The following FTO variants were observed in gnomAD, a reference collection of about 807,000 sequenced individuals.
FTO encodes alpha-ketoglutarate-dependent dioxygenase FTO.
Under a neutral mutation model 63.9 loss-of-function variants are expected in FTO, and 47 were observed. That is an observed-to-expected ratio of 0.74 (90% CI 0.58 to 0.94). FTO has a LOEUF of 0.94. Among genes scored for constraint, FTO ranks in the 40% least tolerant of loss-of-function variants. The pLI is 0.00. For missense variants in FTO, 562 were observed against 618.1 expected (o/e 0.91, Z 0.96); for synonymous variants, 207 against 224.4 (o/e 0.92, Z 0.69).
intron 8 of FTO, among the ~76,000 whole-genome samples, chr16:53,964,183 C>T (rs1031681806): frequency 6.6e-6 from 1 of 152,210 alleles, no homozygotes. Context: ...GATCAGCAAA[C>T]TTTTTCTTTA....
intron 1 of FTO, among the ~76,000 whole-genome samples, chr16:53,805,641 G>A (rs973465852): frequency 6.6e-6 from 1 of 152,022 alleles, no homozygotes; most frequent in Non-Finnish European, 1.5e-5. Context: ...GTAGAGACGG[G>A]TTTTTACCAT....
intron 4 of FTO, 81 bp from the exon 5 acceptor site, chr16:53,873,701 TTTAC>T: frequency 9.8e-7 from 1 of 1,021,308 alleles, no homozygotes; most frequent in Non-Finnish European, 1.5e-6. Flanking sequence ...AGATTTACTG[TTTAC>T]TTTGTGTTTT....
intron 8 of FTO, among the ~76,000 whole-genome samples, chr16:53,979,074 G>C (rs2143798462): frequency 6.6e-6 from 1 of 151,990 alleles, no homozygotes; most frequent in East Asian, 1.9e-4. Flanking sequence ...AAATATTTCT[G>C]TTTTTAAAAT....
At chr16:54,055,277 G>C (rs1231088278) in intron 8 of FTO, among the ~76,000 whole-genome samples, 1 of 152,174 alleles carries the variant, frequency 6.6e-6, no homozygotes, top group Non-Finnish European at 1.5e-5. Context: ...AGACTTGGCT[G>C]TTTTGAGACT....
At chr16:53,816,245 T>C (rs966930367) in intron 2 of FTO, among the ~76,000 whole-genome samples, 1 of 152,176 alleles carries the variant, frequency 6.6e-6, no homozygotes, top group Non-Finnish European at 1.5e-5. Flanking sequence ...CCTCTGCTTC[T>C]TACACCGTGG....
chr16:53,710,461 C>T (rs1182735696), intron 1 of FTO, among the ~76,000 whole-genome samples: 1 of 152,150 alleles, frequency 6.6e-6, no homozygotes, highest in African/African-American at 2.4e-5. Flanking sequence ...AGATGGGTTT[C>T]ACCATGTTGG....
At chr16:53,706,037 G>A (rs1412360083) in intron 1 of FTO, among the ~76,000 whole-genome samples, 1 of 152,180 alleles carries the variant, frequency 6.6e-6, no homozygotes, top group Non-Finnish European at 1.5e-5. Flanking sequence ...GTTGCTAGGT[G>A]AAACTAGTGC....
chr16:53,824,629 A>G (rs866875556), intron 2 of FTO, among the ~76,000 whole-genome samples: 6 of 152,054 alleles, frequency 3.9e-5, no homozygotes, highest in African/African-American at 1.4e-4. Context: ...AAACGTTTGG[A>G]AGAATACTGG....
intron 7 of FTO, among the ~76,000 whole-genome samples, chr16:53,909,181 G>T (rs1038284730): frequency 1.3e-5 from 2 of 152,108 alleles, no homozygotes; most frequent in East Asian, 3.8e-4. Context: ...ATCTACCAGC[G>T]GGGCTCAAAG....
At chr16:54,081,629 G>T (rs1397405974) in intron 8 of FTO, among the ~76,000 whole-genome samples, 1 of 152,058 alleles carries the variant, frequency 6.6e-6, no homozygotes, top group South Asian at 2.1e-4. Context: ...ATTACTAAAC[G>T]CCCCCAAACA....
At chr16:53,770,697 C>T (rs751135636) in intron 1 of FTO, among the ~76,000 whole-genome samples, 1 of 151,794 alleles carries the variant, frequency 6.6e-6, no homozygotes, top group Non-Finnish European at 1.5e-5. Context: ...CTGTGATATC[C>T]AAGAACATGA....
chr16:53,731,482 A>T (rs1385968260), intron 1 of FTO, among the ~76,000 whole-genome samples: 1 of 152,172 alleles, frequency 6.6e-6, no homozygotes, highest in Non-Finnish European at 1.5e-5. Flanking sequence ...CATGATTCAA[A>T]AGGGAATTAT....
intron 1 of FTO, among the ~76,000 whole-genome samples, chr16:53,769,104 C>A (rs1427473331): frequency 6.6e-6 from 1 of 152,138 alleles, no homozygotes; most frequent in Admixed American, 6.5e-5. Flanking sequence ...CAGAGTAAAT[C>A]AGAACTGTCT....
chr16:54,024,526 C>T (rs2084673132), intron 8 of FTO, among the ~76,000 whole-genome samples: 2 of 152,142 alleles, frequency 1.3e-5, no homozygotes, highest in African/African-American at 4.8e-5. Flanking sequence ...CCGCGCCCGG[C>T]CTTGGCTGGT....
At chr16:53,860,274 C>G (rs1393445456) in intron 4 of FTO, among the ~76,000 whole-genome samples, 3 of 152,192 alleles carry the variant, frequency 2.0e-5, no homozygotes, top group Non-Finnish European at 4.4e-5. Flanking sequence ...CAATGTTATA[C>G]TCATAAATGC....
intron 7 of FTO, among the ~76,000 whole-genome samples, chr16:53,905,930 C>T (rs1214379181): frequency 1.3e-5 from 2 of 152,034 alleles, no homozygotes; most frequent in Admixed American, 6.6e-5. Flanking sequence ...TTCTTTTTGG[C>T]GTAATCCATT....
At chr16:54,007,341 C>T (rs1971037) in intron 8 of FTO, among the ~76,000 whole-genome samples, 103,233 of 151,986 alleles carry the variant, frequency 0.68, 36,263 homozygotes, top group African/African-American at 0.86. Context: ...AAAGAATGGT[C>T]GTGTAGTAGA....
At chr16:54,061,181 G>A (rs757581516) in intron 8 of FTO, among the ~76,000 whole-genome samples, 1 of 152,126 alleles carries the variant, frequency 6.6e-6, no homozygotes, top group Non-Finnish European at 1.5e-5. Context: ...GCGGTGATTC[G>A]GATGATTTTT....
At chr16:53,711,731 A>G (rs2075782270) in intron 1 of FTO, among the ~76,000 whole-genome samples, 2 of 152,226 alleles carry the variant, frequency 1.3e-5, no homozygotes. Flanking sequence ...AACTATTAAA[A>G]ATAGAACTAG....
Sources: allele counts gnomAD v4.1 joint callset (sites outside exome capture counted in the v4.1 genomes callset), GRCh38; gene constraint gnomAD v4.1.1; transcripts MANE v1.5; gene names NCBI Gene and HGNC (gene_info 2026-07-23, HGNC 2026-07-21).